The following SLCO4A1 variants were observed in gnomAD, a reference collection of about 807,000 sequenced individuals.
The protein encoded by SLCO4A1 is colon organic anion transporter.
SLCO4A1 carries 51 observed loss-of-function variants against 64.6 expected under a neutral mutation model. That is an observed-to-expected ratio of 0.79 (90% CI 0.63 to 1.00). The LOEUF is 1.00. Ranked by LOEUF, SLCO4A1 falls within the 50% of genes least tolerant of loss-of-function variation. The pLI is 0.00. For missense variants in SLCO4A1, 919 were observed against 980.5 expected (o/e 0.94, Z 0.84); for synonymous variants, 471 against 444.9 (o/e 1.06, Z -0.74).
Position 62,665,044 on chromosome 20 carries a change from A to C in SLCO4A1, c.1232A>C (p.Glu411Ala). ...GMSTFSPKFL[E>A]SQFSLSASEA... ...TCCACGTTCAGCCCCAAGTTCTTGG[A>C]GTCCCAGTTCAGCCTGAGTGCCTCA... Residue 411 changes from glutamate to alanine, a missense_variant, in exon 6 of 12, where the codon GAG becomes GCG. Coordinates refer to ENST00000217159, the MANE Select transcript of SLCO4A1 (RefSeq NM_016354.4). The C allele has an allele frequency of 6.2e-7, 1 of 1,613,782 alleles. No homozygotes were observed. Among genetic ancestry groups the C allele is most frequent in the Non-Finnish European group, 8.5e-7 (1 of 1,179,854 alleles).
intron 5 of SLCO4A1, among the ~76,000 whole-genome samples, 166 bp from the exon 6 acceptor site, chr20:62,664,768 A>G (rs960248659): frequency 3.3e-5 from 5 of 152,114 alleles, no homozygotes; most frequent in Non-Finnish European, 5.9e-5. Flanking sequence ...AGCCTCAGGA[A>G]CAGCAGGTTC....
At chr20:62,656,049 C>T (rs561256407) in intron 1 of SLCO4A1, among the ~76,000 whole-genome samples, 26 of 152,354 alleles carry the variant, frequency 1.7e-4, no homozygotes, top group Middle Eastern at 6.8e-3. Flanking sequence ...GCCTTGCCCC[C>T]GTCACAGCCC....
At position 62,671,902 on chromosome 20, in the gene SLCO4A1, C is replaced by T. The variant is rs191935581; in HGVS notation, c.*9C>T. The T allele has an allele frequency of 3.6e-4, 586 of 1,609,332 alleles. 3 individuals are homozygous for T. The East Asian group carries it at 0.011, about 30-fold the overall frequency. ...TCCAGAGCAGCGTCTGACCACCGCC[C>T]GCGCCCACCCGGCCACGGCGGGCAC... On this transcript the variant is annotated 3_prime_UTR_variant, in exon 12 of 12. Coordinates refer to ENST00000217159, the MANE Select transcript of SLCO4A1 (RefSeq NM_016354.4).
chr20:62,677,799 G>T (rs192839286), intron 2 of SLCO4A1, among the ~76,000 whole-genome samples: 1 of 152,192 alleles, frequency 6.6e-6, no homozygotes. Context: ...CCAGCGCCAC[G>T]CTGTGAGCAA....
In SLCO4A1 at chr20:62,666,643, A is replaced by C. The variant is rs1026009703; in HGVS notation, c.1472+68A>C. On this transcript the variant is annotated intron_variant, in intron 7 of 11. Transcript: ENST00000217159. ...CACCCGCGGTCCCTGGGCATGGAGG[A>C]GGAGTGGTGCAGCACTTGGGAGAGG... 4 of 1,372,912 alleles carry C rather than the reference A, an allele frequency of 2.9e-6. No individual in the cohort carries two copies. The African/African-American group carries it at 4.3e-5, about 15-fold the overall frequency. The allele number at this position is 1,372,912 out of a possible 1,614,324, so 85.0% of individuals were successfully genotyped here.
intron 5 of SLCO4A1, among the ~76,000 whole-genome samples, chr20:62,663,659 C>T (rs941615162): frequency 2.4e-4 from 37 of 152,162 alleles, no homozygotes; most frequent in South Asian, 4.1e-4. Context: ...CTGCAAACAC[C>T]CCCACCTGAG....
At chr20:62,668,354 C>A in intron 9 of SLCO4A1, 123 bp from the exon 10 acceptor site, 1 of 1,278,158 alleles carries the variant, frequency 7.8e-7, no homozygotes, top group Non-Finnish European at 1.1e-6. Flanking sequence ...TGACGAGGGG[C>A]TTCCCACTTG....
intron 2 of SLCO4A1, among the ~76,000 whole-genome samples, chr20:62,682,015 C>T (rs1480272500): frequency 1.3e-5 from 2 of 152,206 alleles, no homozygotes; most frequent in African/African-American, 4.8e-5. Flanking sequence ...ATCCCCTGAG[C>T]TAGGACTGAG....
At chr20:62,647,082 G>A (rs1190276746) in intron 1 of SLCO4A1, among the ~76,000 whole-genome samples, 2 of 152,262 alleles carry the variant, frequency 1.3e-5, no homozygotes, top group South Asian at 2.1e-4. Context: ...AGGTCACCAG[G>A]TATGCAAATT....
At chr20:62,665,816 C>T (rs1301288571) in intron 6 of SLCO4A1, 1 of 152,184 alleles carries the variant, frequency 6.6e-6, no homozygotes, top group Non-Finnish European at 1.5e-5. Context: ...GTCCCCTCCC[C>T]ACCTGTCCCC....
chr20:62,685,996 C>T (rs1327845025), downstream of SLCO4A1, among the ~76,000 whole-genome samples: 2 of 152,168 alleles, frequency 1.3e-5, no homozygotes, highest in Non-Finnish European at 2.9e-5. This position sits in a 1 kb window ranked among gnomAD's most constrained non-coding sequence, Gnocchi z 4.6. Context: ...ATGATGAGAG[C>T]CGCTGAATTA....
chr20:62,671,392 G>A (rs983833142), intron 11 of SLCO4A1, among the ~76,000 whole-genome samples: 3 of 152,156 alleles, frequency 2.0e-5, no homozygotes, highest in Non-Finnish European at 4.4e-5. Flanking sequence ...TGGATTTGGG[G>A]CCCACCTTAG....
At chr20:62,679,029 G>A (rs1411639540) in intron 2 of SLCO4A1, among the ~76,000 whole-genome samples, 2 of 152,180 alleles carry the variant, frequency 1.3e-5, no homozygotes, top group East Asian at 3.8e-4. Flanking sequence ...GACCAGCCTG[G>A]CCAACATGAT....
chr20:62,688,651 G>A (rs1393603848), downstream of SLCO4A1, among the ~76,000 whole-genome samples: 2 of 152,230 alleles, frequency 1.3e-5, no homozygotes, highest in Non-Finnish European at 2.9e-5. Flanking sequence ...TCCAGAGCCA[G>A]CAGATGGCTG....
chr20:62,669,869 T>A (rs1443510537), intron 11 of SLCO4A1: 1 of 152,174 alleles, frequency 6.6e-6, no homozygotes, highest in Non-Finnish European at 1.5e-5. Flanking sequence ...GAGCAGGGCC[T>A]TGTGTGGCTC....
intron 1 of SLCO4A1, among the ~76,000 whole-genome samples, chr20:62,653,197 C>T (rs1982935752): frequency 6.6e-6 from 1 of 152,200 alleles, no homozygotes; most frequent in South Asian, 2.1e-4. Flanking sequence ...GCGAGACCTC[C>T]GATTCCACAG....
intron 4 of SLCO4A1, among the ~76,000 whole-genome samples, 159 bp downstream of exon 4, chr20:62,660,692 G>A (rs1182896158): frequency 6.6e-6 from 1 of 152,178 alleles, no homozygotes; most frequent in Non-Finnish European, 1.5e-5. Context: ...GTGGAGAGAC[G>A]CCTCCTGGCT....
At chr20:62,650,708 G>A (rs1334501679) in intron 1 of SLCO4A1, 1 of 152,212 alleles carries the variant, frequency 6.6e-6, no homozygotes, top group Non-Finnish European at 1.5e-5. Context: ...CCAGGATGGG[G>A]GCGCTGGCTG....
In SLCO4A1 at chr20:62,667,755, G is replaced by A. The variant is rs749936587; in HGVS notation, c.1483G>A (p.Glu495Lys). The A allele has an allele frequency of 1.7e-5, 28 of 1,607,924 alleles. No individual in the cohort carries two copies. The highest frequency in any genetic ancestry group is 6.7e-5 in the East Asian group (3 of 44,774). ...TASYGGSLLPEGHLNLTAPCN... is the reference protein window; with the variant it reads ...TASYGGSLLPKGHLNLTAPCN... ...GTCCCCCCTCTGCAGCCTCCTGCCC[G>A]AAGGCCACCTGAACCTAACGGCTCC... The change falls in exon 8 of 12, where the codon GAA (glutamate) becomes AAA (lysine). Residue 495 changes from glutamate (E) to lysine (K), a missense_variant. By Grantham distance (56) the Glu-to-Lys change is moderately conservative (BLOSUM62 1). Transcript: ENST00000217159.
Sources: allele counts gnomAD v4.1 joint callset (sites outside exome capture counted in the v4.1 genomes callset), GRCh38; gene constraint gnomAD v4.1.1; non-coding constraint Gnocchi (gnomAD v3.1); transcripts MANE v1.5; gene names NCBI Gene and HGNC (gene_info 2026-07-23, HGNC 2026-07-21).